Variants in PARP1 observed in about 807,000 individuals in gnomAD.
PARP1 encodes poly [ADP-ribose] polymerase 1.
A neutral mutation model predicts 118.7 loss-of-function variants in PARP1; 44 were observed. The observed-to-expected ratio is 0.37, with a 90% CI of 0.29 to 0.48. The LOEUF (loss-of-function observed/expected upper bound fraction) is 0.48. PARP1 is among the 20% of genes least tolerant of loss of function. The probability of loss-of-function intolerance (pLI) is 0.99; values close to 1 mark genes in which losing one functional copy is unlikely to be tolerated. For missense variants in PARP1, 1,100 were observed against 1,272.4 expected (o/e 0.86, Z 2.06); for synonymous variants, 492 against 483.2 (o/e 1.02, Z -0.24).
chr1:226,363,349 G>A (rs898609171), intron 20 of PARP1, among the ~76,000 whole-genome samples, 189 bp from the exon 21 acceptor site: 1 of 152,208 alleles, frequency 6.6e-6, no homozygotes, highest in Non-Finnish European at 1.5e-5. Flanking sequence ...AGTTGCGGCT[G>A]AACATAGTTT....
intron 2 of PARP1, among the ~76,000 whole-genome samples, chr1:226,395,449 C>CCTGG (rs1275291810): frequency 6.6e-6 from 1 of 152,104 alleles, no homozygotes; most frequent in African/African-American, 2.4e-5. Context: ...GTAATCCCAG[C>CCTGG]CTGGCCCATG....
intron 17 of PARP1, 116 bp downstream of exon 17, chr1:226,367,364 G>T: frequency 8.0e-7 from 1 of 1,251,982 alleles, no homozygotes; most frequent in Non-Finnish European, 1.2e-6. Context: ...ATTATTGGGC[G>T]CCAGCCACCT....
chr1:226,388,488 T>C (rs72746764), intron 5 of PARP1, among the ~76,000 whole-genome samples, 168 bp downstream of exon 5: 147 of 152,282 alleles, frequency 9.7e-4, no homozygotes, highest in South Asian at 3.3e-3. Flanking sequence ...ATGGTTTCTT[T>C]TGGAGGAGGA....
intron 4 of PARP1, among the ~76,000 whole-genome samples, 170 bp downstream of exon 4, chr1:226,390,240 T>C (rs998214691): frequency 1.4e-4 from 21 of 152,278 alleles, no homozygotes; most frequent in African/African-American, 5.1e-4. Flanking sequence ...TTCCCTACCC[T>C]GTCCTTTGCC....
intron 13 of PARP1, 25 bp downstream of exon 13, chr1:226,377,083 C>A: frequency 6.3e-7 from 1 of 1,591,338 alleles, no homozygotes; most frequent in Non-Finnish European, 8.6e-7. Flanking sequence ...TAGAAGCAGA[C>A]AGTGTAAGGG....
Position 226,379,996 on chromosome 1 carries a change from A to G in PARP1, c.1469T>C (p.Val490Ala). The change falls in exon 10 of 23, where the codon GTT (valine) becomes GCT (alanine). Residue 490 changes from valine to alanine, a missense_variant. By Grantham distance (64) the Val-to-Ala change is moderately conservative. This residue lies in a region of PARP1 where 948 missense variants were observed against 1,031.8 expected (regional missense o/e 0.92). Transcript: ENST00000366794. ...CTTCCCTCTTGGGGCCACAACTTCA[A>G]CAGGCTCTGCCTTCACCTCTGCCCC... ...PWGAEVKAEP[V>A]EVVAPRGKSG... 1 of 1,614,044 alleles carries G rather than the reference A, an allele frequency of 6.2e-7. No homozygotes were observed. Among genetic ancestry groups the G allele is most frequent in the South Asian group, 1.1e-5 (1 of 91,082 alleles).
chr1:226,381,190 A>G lies in PARP1; in HGVS notation c.1178T>C (p.Met393Thr), dbSNP rs757155449. The G allele has an allele frequency of 2.5e-6, 4 of 1,614,064 alleles. No homozygotes were observed. The Admixed American group carries it at 5.0e-5, about 20-fold the overall frequency. ...SASADKPLSN[M>T]KILTLGKLSR... is the part of the protein sequence containing the mutation. ...CAGCTTCCCGAGAGTCAGGATCTTC[A>G]TGTTGGATAATGGCTTATCTGGGAT... is the stretch of plus-strand genomic sequence containing the variant. Residue 393 changes from methionine to threonine, a missense_variant, in exon 9 of 23, where the codon ATG (methionine) becomes ACG (threonine). Around this residue, in one of 2 missense-constraint regions of PARP1, gnomAD observed 948 missense variants for 1,031.8 expected, o/e 0.92. Transcript: ENST00000366794.
chr1:226,386,215 A>G (rs946968131), intron 6 of PARP1, 111 bp downstream of exon 6: 1 of 752,746 alleles, frequency 1.3e-6, no homozygotes, highest in Non-Finnish European at 2.4e-6. Context: ...CTTGCAATTA[A>G]TACCAGCAGG....
At chr1:226,379,766 A>C (rs1576395822) in intron 10 of PARP1, 125 bp from the exon 11 acceptor site, 1 of 1,343,890 alleles carries the variant, frequency 7.4e-7, no homozygotes, top group East Asian at 2.3e-5. Flanking sequence ...TATACACACT[A>C]CTCCCGCCAC....
intron 2 of PARP1, among the ~76,000 whole-genome samples, chr1:226,394,226 G>A (rs796960440): frequency 2.6e-5 from 4 of 152,256 alleles, no homozygotes; most frequent in African/African-American, 9.6e-5. Flanking sequence ...GCATGGTGGC[G>A]CACGCCTGTA....
chr1:226,393,713 T>G (rs2102742739), intron 2 of PARP1, among the ~76,000 whole-genome samples: 1 of 152,286 alleles, frequency 6.6e-6, no homozygotes, highest in Middle Eastern at 3.4e-3. Flanking sequence ...GAAAAAAGAC[T>G]AGAAAAACTA....
chr1:226,397,153 TAAAAAAAAAA>T (rs3046773), intron 2 of PARP1, among the ~76,000 whole-genome samples: 2 of 126,168 alleles, frequency 1.6e-5, no homozygotes, highest in Non-Finnish European at 3.3e-5. Flanking sequence ...GTCTCTATCT[TAAAAAAAAAA>T]AAAAAAAAAA....
chr1:226,366,393 G>T, intron 17 of PARP1: 1 of 348,288 alleles, frequency 2.9e-6, no homozygotes, highest in Non-Finnish European at 5.6e-6. Flanking sequence ...TCCTGGAAGA[G>T]AGTCCAGCTC....
chr1:226,389,674 AC>A (rs1367036047), intron 4 of PARP1, among the ~76,000 whole-genome samples: 1 of 152,142 alleles, frequency 6.6e-6, no homozygotes, highest in African/African-American at 2.4e-5. Flanking sequence ...GTTTTCTTCC[AC>A]ATTCTAGAGC....
At position 226,388,723 on chromosome 1, in the gene PARP1, T is replaced by A; in HGVS notation, c.650A>T (p.Asp217Val). 1 of 1,613,976 alleles carries A rather than the reference T, an allele frequency of 6.2e-7. No homozygotes were observed. Among genetic ancestry groups the A allele is most frequent in the African/African-American group, 1.3e-5 (1 of 75,036 alleles). ...KRKGDEVDGV[D>V]EVAKKKSKKE... Reference sequence around the variant, plus strand: ...TTTAGATTTCTTCTTCGCCACTTCATCCACTCCATCCACCTCATCGCCTTT... The same window carrying A: ...TTTAGATTTCTTCTTCGCCACTTCAACCACTCCATCCACCTCATCGCCTTT... The change falls in exon 5 of 23, where the codon GAT becomes GTT. Residue 217 changes from aspartate to valine, a missense_variant. This residue lies in a region of PARP1 where 948 missense variants were observed against 1,031.8 expected (regional missense o/e 0.92). Transcript: ENST00000366794.
At chr1:226,391,954 C>T (rs374305866) in intron 3 of PARP1, among the ~76,000 whole-genome samples, 5 of 152,316 alleles carry the variant, frequency 3.3e-5, no homozygotes, top group African/African-American at 1.2e-4. Context: ...AAAGAGACTC[C>T]TTTTGTTAAC....
intron 19 of PARP1, 83 bp from the exon 20 acceptor site, chr1:226,364,153 G>C (rs939733034): frequency 1.5e-6 from 2 of 1,359,546 alleles, no homozygotes; most frequent in African/African-American, 2.9e-5. Context: ...ACTTGAGCAA[G>C]CCACCCAGCT....
chr1:226,386,547 A>T, intron 5 of PARP1, 105 bp from the exon 6 acceptor site: 1 of 810,206 alleles, frequency 1.2e-6, no homozygotes, highest in Middle Eastern at 3.2e-4. Flanking sequence ...ACCCTTGTGC[A>T]CCAGCGAGCT....
chr1:226,389,473 G>A (rs192050551), intron 4 of PARP1, among the ~76,000 whole-genome samples: 2 of 152,276 alleles, frequency 1.3e-5, no homozygotes, highest in Admixed American at 1.3e-4. Flanking sequence ...AATACCATCT[G>A]CCTCACAGAA....
Sources: gnomAD v4.1 joint callset for allele counts (sites outside exome capture counted in the v4.1 genomes callset) on GRCh38, gnomAD v4.1.1 for gene constraint, gnomAD v4.1.1 regional missense constraint, MANE v1.5 for transcripts, NCBI Gene and HGNC (gene_info 2026-07-23, HGNC 2026-07-21) for gene names.